HPSE2: variants seen among roughly 807,000 people sequenced by gnomAD.
The protein encoded by HPSE2 is inactive heparanase-2.
Under a neutral mutation model 60.5 loss-of-function variants are expected in HPSE2, and 38 were observed. That is an observed-to-expected ratio of 0.63 (90% CI 0.48 to 0.82). HPSE2 has a LOEUF of 0.82. Ranked by LOEUF, HPSE2 falls within the 40% of genes least tolerant of loss-of-function variation. The pLI is 0.00. For missense variants in HPSE2, 713 were observed against 740.4 expected (o/e 0.96, Z 0.43); for synonymous variants, 295 against 293.2 (o/e 1.01, Z -0.06).
intron 9 of HPSE2, among the ~76,000 whole-genome samples, chr10:98,590,452 T>C (rs999114637): frequency 1.3e-5 from 2 of 152,252 alleles, no homozygotes; most frequent in African/African-American, 4.8e-5. Flanking sequence ...CTAGGGGTCA[T>C]ATCATTCAAA....
At chr10:98,473,434 G>A (rs1046914099) in intron 11 of HPSE2, among the ~76,000 whole-genome samples, 7 of 143,094 alleles carry the variant, frequency 4.9e-5, no homozygotes, top group African/African-American at 1.6e-4. Flanking sequence ...GCAGTGAGCC[G>A]AGATTGCACC....
At chr10:98,640,681 C>T (rs961306314) in intron 7 of HPSE2, among the ~76,000 whole-genome samples, 6 of 151,944 alleles carry the variant, frequency 3.9e-5, no homozygotes, top group African/African-American at 1.2e-4. Context: ...TTGTTTAATC[C>T]GCTCGAGAAA....
chr10:98,631,287 A>C (rs769882651), intron 7 of HPSE2, among the ~76,000 whole-genome samples: 1 of 152,228 alleles, frequency 6.6e-6, no homozygotes, highest in Non-Finnish European at 1.5e-5. Flanking sequence ...AAATAAGGAC[A>C]TACACAAAAA....
At chr10:99,116,021 G>C (rs1293066569) in intron 3 of HPSE2, among the ~76,000 whole-genome samples, 2 of 152,074 alleles carry the variant, frequency 1.3e-5, no homozygotes, top group East Asian at 3.8e-4. Context: ...AGGGTAATCA[G>C]AAAGAATTCT....
chr10:99,010,982 A>T (rs1956999431), intron 3 of HPSE2, among the ~76,000 whole-genome samples: 1 of 144,088 alleles, frequency 6.9e-6, no homozygotes, highest in African/African-American at 2.6e-5. Context: ...CCCATCAGTT[A>T]TATTTCCTGA....
intron 2 of HPSE2, among the ~76,000 whole-genome samples, chr10:99,227,893 G>GTA (rs561235980): frequency 8.4e-6 from 1 of 118,482 alleles, no homozygotes; most frequent in South Asian, 3.0e-4. Context: ...GTGTGTGTGT[G>GTA]TATATACATA....
intron 3 of HPSE2, among the ~76,000 whole-genome samples, chr10:99,035,563 A>G (rs1286003661): frequency 6.6e-6 from 1 of 152,212 alleles, no homozygotes; most frequent in African/African-American, 2.4e-5. Flanking sequence ...CCAGTAACAT[A>G]ATCATTTATT....
intron 3 of HPSE2, among the ~76,000 whole-genome samples, chr10:98,985,395 T>C (rs1956315892): frequency 6.6e-6 from 1 of 152,130 alleles, no homozygotes; most frequent in Non-Finnish European, 1.5e-5. Flanking sequence ...CAAACTAAGC[T>C]TCATAAGTGA....
intron 9 of HPSE2, among the ~76,000 whole-genome samples, chr10:98,546,221 A>G (rs1265305180): frequency 7.2e-6 from 1 of 139,114 alleles, no homozygotes; most frequent in East Asian, 2.4e-4. Context: ...GAAAATGGCC[A>G]TACTACCCAA....
chr10:98,584,513 A>T (rs959883477), intron 9 of HPSE2, among the ~76,000 whole-genome samples: 5 of 152,176 alleles, frequency 3.3e-5, no homozygotes, highest in Admixed American at 3.3e-4. Context: ...TTCCTGAAAA[A>T]TCCATCAACC....
chr10:98,836,617 G>A (rs1229701219), intron 3 of HPSE2, among the ~76,000 whole-genome samples: 1 of 152,110 alleles, frequency 6.6e-6, no homozygotes, highest in Non-Finnish European at 1.5e-5. Flanking sequence ...AGGACAGACT[G>A]GAATTCATGA....
At chr10:98,690,508 C>A (rs548883053) in intron 6 of HPSE2, among the ~76,000 whole-genome samples, 1 of 152,104 alleles carries the variant, frequency 6.6e-6, no homozygotes, top group Admixed American at 6.5e-5. Flanking sequence ...CCATTGCACT[C>A]CAGCCTGGGT....
At chr10:99,140,634 A>T (rs1845832693) in intron 3 of HPSE2, among the ~76,000 whole-genome samples, 1 of 152,210 alleles carries the variant, frequency 6.6e-6, no homozygotes, top group Non-Finnish European at 1.5e-5. Context: ...CAGCACAAGG[A>T]TCTACCTCAA....
intron 9 of HPSE2, among the ~76,000 whole-genome samples, chr10:98,582,975 G>A (rs1041655064): frequency 6.6e-6 from 1 of 151,962 alleles, no homozygotes; most frequent in Non-Finnish European, 1.5e-5. Context: ...TATCTACTCT[G>A]CAAACTGATT....
chr10:99,253,132 T>G, the HPSE2 span, among the ~76,000 whole-genome samples: 1 of 152,128 alleles, frequency 6.6e-6, no homozygotes, highest in Non-Finnish European at 1.5e-5. Flanking sequence ...AAAAAAACTA[T>G]ACTAAAATTC....
rs141001064 is a variant in HPSE2, at chr10:99,168,615, G to A, written c.449-24216C>T. On this transcript the variant is annotated intron_variant, in intron 2 of 11. Coordinates refer to ENST00000370552, the MANE Select transcript of HPSE2 (RefSeq NM_021828.5). Reference sequence around the variant, plus strand: ...GCACTCTGGTAGGCTATCTTTCTTAGCTTGCAGGTAGACTCACAAAGGGGA... The same window carrying A: ...GCACTCTGGTAGGCTATCTTTCTTAACTTGCAGGTAGACTCACAAAGGGGA... Among the ~76,000 whole-genome samples the A allele has an allele frequency of 3.0e-3, 461 of 152,184 alleles. 1 individual carries two copies. Among genetic ancestry groups the A allele is most frequent in the African/African-American group, 0.011 (437 of 41,524 alleles).
intron 3 of HPSE2, among the ~76,000 whole-genome samples, chr10:99,073,892 G>C (rs1402186867): frequency 1.4e-5 from 2 of 146,328 alleles, no homozygotes; most frequent in African/African-American, 2.5e-5. Flanking sequence ...TTTATATGTT[G>C]ATTTTGAATC....
intron 3 of HPSE2, among the ~76,000 whole-genome samples, chr10:98,979,332 T>C (rs950782379): frequency 6.6e-6 from 1 of 152,100 alleles, no homozygotes; most frequent in Non-Finnish European, 1.5e-5. Context: ...TAAAATAACA[T>C]CTACAGTGCA....
Position 98,544,233 on chromosome 10 carries a change from G to A in HPSE2, c.1321-54037C>T, listed in dbSNP as rs188278499. 3.7e-4 allele frequency among the ~76,000 whole-genome samples: 56 copies of A among 152,210 alleles called. 1 individual carries two copies. Among genetic ancestry groups the A allele is most frequent in the Admixed American group, 2.6e-3 (39 of 15,290 alleles). ...AACAACCTGCTCCTGAATGACTACC[G>A]GGTACATAATGAAATGAAGGCAGAA... On this transcript the variant is annotated intron_variant, in intron 9 of 11. Transcript: ENST00000370552.
Sources: gnomAD v4.1 joint callset for allele counts (sites outside exome capture counted in the v4.1 genomes callset) on GRCh38, gnomAD v4.1.1 for gene constraint, MANE v1.5 for transcripts, NCBI Gene and HGNC (gene_info 2026-07-23, HGNC 2026-07-21) for gene names.